CNTN1: variants seen among roughly 807,000 people sequenced by gnomAD.
CNTN1 encodes contactin 1.
Under a neutral mutation model 126.4 loss-of-function variants are expected in CNTN1, and 38 were observed. The observed-to-expected ratio is 0.30, with a 90% confidence interval of 0.23 to 0.39. The LOEUF (loss-of-function observed/expected upper bound fraction) is 0.39, where lower values mean the gene tolerates loss of function less well. Ranked by LOEUF, CNTN1 falls within the 10% of genes least tolerant of loss-of-function variation. The pLI is 1.00. For missense variants in CNTN1, 1,009 were observed against 1,248.4 expected (o/e 0.81, Z 2.89); for synonymous variants, 413 against 422.6 (o/e 0.98, Z 0.28).
chr12:40,790,076 G>A (rs1339070685), intron 1 of CNTN1, among the ~76,000 whole-genome samples: 3 of 152,064 alleles, frequency 2.0e-5, no homozygotes, highest in Non-Finnish European at 2.9e-5. Flanking sequence ...AGTGTTAATA[G>A]CATGCACTTT....
intron 17 of CNTN1, among the ~76,000 whole-genome samples, chr12:40,994,045 A>G (rs995454854): frequency 2.0e-5 from 3 of 152,146 alleles, no homozygotes; most frequent in Non-Finnish European, 4.4e-5. Context: ...TTCTTAAAAA[A>G]TATTTAATGT....
chr12:40,766,019 G>A (rs1029136403), intron 1 of CNTN1, among the ~76,000 whole-genome samples: 1 of 152,118 alleles, frequency 6.6e-6, no homozygotes, highest in African/African-American at 2.4e-5. Flanking sequence ...GGAAAGACTG[G>A]GGCTTGAGAA....
At chr12:40,811,639 T>C (rs895883646) in intron 1 of CNTN1, among the ~76,000 whole-genome samples, 4 of 152,182 alleles carry the variant, frequency 2.6e-5, no homozygotes, top group Non-Finnish European at 4.4e-5. Context: ...ATAGGTTGTA[T>C]GCTTCTAGGA....
intron 1 of CNTN1, among the ~76,000 whole-genome samples, chr12:40,768,863 T>G (rs1939226090): frequency 6.6e-6 from 1 of 152,244 alleles, no homozygotes; most frequent in East Asian, 1.9e-4. Flanking sequence ...AATAGTAAGT[T>G]TATTCTTATG....
chr12:40,922,297 G>A lies in CNTN1; in HGVS notation c.269G>A (p.Arg90Gln), dbSNP rs1945470904. 13 of 1,613,780 alleles carry A rather than the reference G, an allele frequency of 8.1e-6. No homozygotes were observed. Among genetic ancestry groups the A allele is most frequent in the South Asian group, 1.1e-5 (1 of 91,070 alleles). Reference sequence around the variant, plus strand: ...GGGGACGTTGATCTCACAAGTGATCGATACAGTATGGTAGGAGGAAACCTT... The same window carrying A: ...GGGGACGTTGATCTCACAAGTGATCAATACAGTATGGTAGGAGGAAACCTT... ...NNGDVDLTSD[R>Q]YSMVGGNLVI... The change falls in exon 5 of 24, where the codon CGA (arginine) becomes CAA (glutamine). Residue 90 changes from arginine to glutamine, a missense_variant. By Grantham distance (43) the Arg-to-Gln change is conservative. Transcript: ENST00000551295.
chr12:40,915,576 T>C (rs1214470574), intron 3 of CNTN1, among the ~76,000 whole-genome samples: 2 of 152,150 alleles, frequency 1.3e-5, no homozygotes, highest in Admixed American at 6.6e-5. Context: ...GAGACTGATA[T>C]TTAGTTTCTA....
At chr12:41,043,884 T>G (rs1222861754) in intron 23 of CNTN1, among the ~76,000 whole-genome samples, 1 of 147,886 alleles carries the variant, frequency 6.8e-6, no homozygotes, top group East Asian at 2.0e-4. Context: ...TCATTCTCAG[T>G]AAACTATCGC....
intron 23 of CNTN1, among the ~76,000 whole-genome samples, chr12:41,052,680 C>G (rs1949714562): frequency 6.6e-6 from 1 of 151,818 alleles, no homozygotes; most frequent in Middle Eastern, 3.2e-3. Context: ...CCTGGCAAAC[C>G]ATTTTGACTC....
Position 40,929,872 on chromosome 12 carries a change from G to A in CNTN1, c.573G>A (p.Gln191=), listed in dbSNP as rs752046046. The A allele has an allele frequency of 6.8e-6, 11 of 1,612,538 alleles. No homozygotes were observed. Among genetic ancestry groups the A allele is most frequent in the Middle Eastern group, 1.6e-4 (1 of 6,074 alleles). The change falls in exon 7 of 24, where the codon CAG becomes CAA. Residue 191 remains glutamine, a synonymous_variant. Transcript: ENST00000551295. The part of the protein sequence containing the change: ...ITMDKRRFVS[Q]TNGNLYIANV... ...TGGATAAACGGCGATTTGTGTCTCA[G>A]ACAAATGGCAATCTCTACATTGCAA... is the stretch of plus-strand genomic sequence containing the variant.
At chr12:40,822,042 C>A (rs1045559106) in intron 1 of CNTN1, among the ~76,000 whole-genome samples, 1 of 151,200 alleles carries the variant, frequency 6.6e-6, no homozygotes, top group East Asian at 1.9e-4. Flanking sequence ...GAATTTCTTT[C>A]TGGTAATACC....
chr12:40,881,540 G>A (rs4338583), intron 1 of CNTN1, among the ~76,000 whole-genome samples: 88,309 of 151,592 alleles, frequency 0.58, 26,216 homozygotes, highest in African/African-American at 0.69. Flanking sequence ...CAAAATAAAT[G>A]ATTAAGAAAT....
intron 1 of CNTN1, among the ~76,000 whole-genome samples, chr12:40,767,877 T>C (rs1939180982): frequency 1.3e-5 from 2 of 152,230 alleles, no homozygotes; most frequent in African/African-American, 4.8e-5. Context: ...TCTAACCTAG[T>C]AAATTATAAG....
At chr12:40,910,771 A>C (rs1944995813) in intron 3 of CNTN1, among the ~76,000 whole-genome samples, 1 of 152,238 alleles carries the variant, frequency 6.6e-6, no homozygotes, top group Non-Finnish European at 1.5e-5. Flanking sequence ...AGGACTAAAA[A>C]ATGAATTGCA....
intron 3 of CNTN1, among the ~76,000 whole-genome samples, chr12:40,910,525 G>A (rs938533875): frequency 6.6e-6 from 1 of 152,086 alleles, no homozygotes; most frequent in Non-Finnish European, 1.5e-5. Context: ...CACAGGTATT[G>A]CAAAATTTAT....
At chr12:41,007,647 T>A (rs1272730851) in intron 17 of CNTN1, among the ~76,000 whole-genome samples, 1 of 152,160 alleles carries the variant, frequency 6.6e-6, no homozygotes, top group Non-Finnish European at 1.5e-5. Flanking sequence ...CTGATTTACA[T>A]AGGGCTCACA....
At chr12:40,815,698 T>C (rs1449722431) in intron 1 of CNTN1, among the ~76,000 whole-genome samples, 1 of 152,180 alleles carries the variant, frequency 6.6e-6, no homozygotes, top group African/African-American at 2.4e-5. Flanking sequence ...TGAATAGGAA[T>C]GGTGAGAAAG....
chr12:40,819,297 G>A (rs1941364179), intron 1 of CNTN1, among the ~76,000 whole-genome samples: 1 of 152,184 alleles, frequency 6.6e-6, no homozygotes, highest in African/African-American at 2.4e-5. Flanking sequence ...GGCTAAGTCT[G>A]CTGGTCCCCA....
chr12:40,791,640 T>A (rs1436410669), intron 1 of CNTN1, among the ~76,000 whole-genome samples: 1 of 152,150 alleles, frequency 6.6e-6, no homozygotes, highest in East Asian at 1.9e-4. Context: ...CTATAATCAT[T>A]TTTAACCCTC....
intron 1 of CNTN1, among the ~76,000 whole-genome samples, chr12:40,816,059 T>C (rs1941244956): frequency 6.6e-6 from 1 of 152,182 alleles, no homozygotes; most frequent in Admixed American, 6.5e-5. Flanking sequence ...AGCCAGTATT[T>C]TATTGAAGGT....
Sources: allele counts gnomAD v4.1 joint callset (sites outside exome capture counted in the v4.1 genomes callset), GRCh38; gene constraint gnomAD v4.1.1; transcripts MANE v1.5; gene names NCBI Gene and HGNC (gene_info 2026-07-23, HGNC 2026-07-21).